The following PRIMPOL variants were observed in gnomAD, a reference collection of about 807,000 sequenced individuals.
The protein encoded by PRIMPOL is DNA-directed primase/polymerase protein.
In PRIMPOL, 54 loss-of-function variants were observed where a neutral mutation model predicts 63.6. The observed-to-expected ratio is 0.85, with a 90% confidence interval of 0.68 to 1.07. The LOEUF (loss-of-function observed/expected upper bound fraction) is 1.07. PRIMPOL is among the 50% of genes least tolerant of loss of function. PRIMPOL has a pLI of 0.00. For missense variants in PRIMPOL, 610 were observed against 648.3 expected, an observed-to-expected ratio of 0.94 and a Z score of 0.64; for synonymous variants, 197 against 220.2, an observed-to-expected ratio of 0.89 and a Z score of 0.93.
Position 184,691,524 on chromosome 4 carries a change from GT to G in PRIMPOL, c.1324del (p.Trp442GlyfsTer82), listed in dbSNP as rs1758528856. 1.9e-6 allele frequency: 3 copies of G among 1,595,304 alleles called. No homozygotes were observed. The highest frequency in any genetic ancestry group is 2.3e-4 in the Middle Eastern group (1 of 4,436). Reference protein sequence around the residue: ...IMILVDLKNEVWYQKCHDPVC... With the variant: ...IMILVDLKNEXWYQKCHDPVC... ...GATTCTGGTTGATCTGAAAAATGAA[GT>G]TTGGTATCAAAAATGTCATGACCCT... is the stretch of plus-strand genomic sequence containing the variant. On this transcript the variant is annotated frameshift_variant, in exon 12 of 14. Coordinates refer to ENST00000314970, the MANE Select transcript of PRIMPOL (RefSeq NM_152683.4). LOFTEE classifies it high-confidence loss of function.
At chr4:184,660,857 C>T (rs909982046) in intron 4 of PRIMPOL, among the ~76,000 whole-genome samples, 2 of 152,136 alleles carry the variant, frequency 1.3e-5, no homozygotes, top group Admixed American at 6.5e-5. Context: ...GTATAGGATG[C>T]CATCTGAATA....
Position 184,658,084 on chromosome 4 carries a change from T to TGG in PRIMPOL, c.180+767_180+768dup, listed in dbSNP as rs60383196. ...TGTATTGCACATTCTTTTTTTTTTTTGGGGCACTGTGGGGAATGTAAAGAA... is the reference window on the plus strand; with the variant it reads ...TGTATTGCACATTCTTTTTTTTTTTTGGGGGGCACTGTGGGGAATGTAAAGAA... On this transcript the variant is annotated intron_variant, in intron 3 of 13. Coordinates refer to ENST00000314970, the MANE Select transcript of PRIMPOL (RefSeq NM_152683.4). Among the ~76,000 whole-genome samples the TGG allele has an allele frequency of 7.2e-5, 8 of 110,510 alleles. No individual in the cohort carries two copies. In the East Asian group the frequency reaches 1.5e-3, roughly 20 times the overall value. The allele number at this position is 110,510 out of a possible 152,430, so 72.5% of individuals were successfully genotyped here.
chr4:184,672,235 A>G lies in PRIMPOL; in HGVS notation c.619A>G (p.Ser207Gly). Residue 207 changes from serine to glycine, a missense_variant, in exon 7 of 14, where the codon AGC (serine) becomes GGC (glycine). Coordinates refer to ENST00000314970, the MANE Select transcript of PRIMPOL (RefSeq NM_152683.4). ...LDLLGSEDDDSAPETTGHGFP... is the reference protein window; with the variant it reads ...LDLLGSEDDDGAPETTGHGFP... ...CTTGCTTGGCAGTGAAGATGATGAT[A>G]GCGCTCCAGAGACAACAGGCCATGG... 5.0e-6 allele frequency: 8 copies of G among 1,614,066 alleles called. No homozygotes were observed. The highest frequency in any genetic ancestry group is 1.1e-5 in the South Asian group (1 of 91,068).
intron 8 of PRIMPOL, among the ~76,000 whole-genome samples, chr4:184,679,107 GATT>G (rs1754919877): frequency 6.6e-6 from 1 of 152,008 alleles, no homozygotes. Flanking sequence ...AATATTCTGA[GATT>G]ATTATTTAAA....
At chr4:184,651,310 G>T (rs2150008966) in intron 1 of PRIMPOL, among the ~76,000 whole-genome samples, 1 of 151,926 alleles carries the variant, frequency 6.6e-6, no homozygotes, top group Admixed American at 6.6e-5. Context: ...AAAAAAAAGG[G>T]GTTAAGTAGT....
intron 6 of PRIMPOL, among the ~76,000 whole-genome samples, chr4:184,671,611 G>A (rs767682268): frequency 5.9e-5 from 9 of 152,062 alleles, no homozygotes; most frequent in Non-Finnish European, 1.3e-4. Context: ...CTTCTCAAAT[G>A]AACTTTCCCT....
intron 11 of PRIMPOL, among the ~76,000 whole-genome samples, chr4:184,689,562 C>T (rs1164624007): frequency 1.8e-5 from 1 of 55,168 alleles, no homozygotes; most frequent in African/African-American, 4.0e-5. Flanking sequence ...AAGCAATTCT[C>T]CTGCCTCAGC....
intron 11 of PRIMPOL, 109 bp downstream of exon 11, chr4:184,685,793 G>T: frequency 1.8e-6 from 1 of 567,214 alleles, no homozygotes; most frequent in Non-Finnish European, 2.8e-6. Context: ...AATAAATTTA[G>T]TTGTATTAAA....
intron 8 of PRIMPOL, among the ~76,000 whole-genome samples, chr4:184,681,105 C>T (rs184679442): frequency 6.6e-6 from 1 of 152,218 alleles, no homozygotes; most frequent in African/African-American, 2.4e-5. Context: ...ATACAGTTAC[C>T]TTGTCTTTTG....
intron 11 of PRIMPOL, chr4:184,691,280 G>C: frequency 4.3e-6 from 2 of 465,802 alleles, no homozygotes; most frequent in East Asian, 6.7e-5. Flanking sequence ...ATCTTCCTGG[G>C]GGAACTTTCA....
At chr4:184,678,148 C>A in intron 7 of PRIMPOL, 84 bp from the exon 8 acceptor site, 1 of 730,428 alleles carries the variant, frequency 1.4e-6, no homozygotes, top group Non-Finnish European at 2.1e-6. Context: ...TTTATTAATG[C>A]TATATAAAAA....
intron 7 of PRIMPOL, among the ~76,000 whole-genome samples, chr4:184,673,229 A>G (rs1308801326): frequency 6.7e-6 from 1 of 149,540 alleles, no homozygotes; most frequent in Non-Finnish European, 1.5e-5. Context: ...TCCCGGGTTC[A>G]CGCCATTCTC....
chr4:184,678,820 G>T (rs1011041817), intron 8 of PRIMPOL, among the ~76,000 whole-genome samples: 1 of 149,554 alleles, frequency 6.7e-6, no homozygotes, highest in Non-Finnish European at 1.5e-5. Flanking sequence ...GAGCCACCGC[G>T]CCCAGCCAGT....
rs184236453 is a variant in PRIMPOL at position 184,669,341 on chromosome 4, C to G, written c.557-2832C>G. Among the ~76,000 whole-genome samples the G allele has an allele frequency of 2.1e-3, 325 of 152,334 alleles. 3 individuals are homozygous for G. The highest frequency in any genetic ancestry group is 7.5e-3 in the African/African-American group (312 of 41,574). ...AGCCAAAACAGACACTGAGCTGTCTCTGACTCCAGCCCCCGTGCTCGCTGC... is the reference window on the plus strand; with the variant it reads ...AGCCAAAACAGACACTGAGCTGTCTGTGACTCCAGCCCCCGTGCTCGCTGC... On this transcript the variant is annotated intron_variant, in intron 6 of 13. Coordinates refer to ENST00000314970, the MANE Select transcript of PRIMPOL (RefSeq NM_152683.4).
At chr4:184,658,695 T>G (rs1243643305) in intron 3 of PRIMPOL, among the ~76,000 whole-genome samples, 2 of 152,092 alleles carry the variant, frequency 1.3e-5, no homozygotes, top group East Asian at 3.9e-4. Context: ...CACTTTGAGG[T>G]CAGGAGTTCG....
At chr4:184,675,474 G>A (rs1247466011) in intron 7 of PRIMPOL, among the ~76,000 whole-genome samples, 3 of 151,594 alleles carry the variant, frequency 2.0e-5, no homozygotes, top group Non-Finnish European at 2.9e-5. Flanking sequence ...TAGGCTATAC[G>A]GTTCATCTGT....
intron 5 of PRIMPOL, among the ~76,000 whole-genome samples, chr4:184,665,590 G>A (rs887764299): frequency 4.1e-4 from 58 of 142,696 alleles, no homozygotes; most frequent in African/African-American, 1.4e-3. Context: ...TGCAATCTCC[G>A]CCTCCTGGGT....
At chr4:184,675,391 T>G (rs758687048) in intron 7 of PRIMPOL, among the ~76,000 whole-genome samples, 9 of 152,248 alleles carry the variant, frequency 5.9e-5, no homozygotes, top group Non-Finnish European at 1.3e-4. Flanking sequence ...CATCTACATA[T>G]ATTTTATGCA....
chr4:184,667,334 A>G (rs566373055), intron 6 of PRIMPOL, among the ~76,000 whole-genome samples: 88 of 151,778 alleles, frequency 5.8e-4, no homozygotes, highest in Non-Finnish European at 7.4e-4. Context: ...TTTTTGAGAC[A>G]GAGTCTCGCT....
Sources: allele counts gnomAD v4.1 joint callset (sites outside exome capture counted in the v4.1 genomes callset), GRCh38; gene constraint gnomAD v4.1.1; transcripts MANE v1.5; gene names NCBI Gene and HGNC (gene_info 2026-07-23, HGNC 2026-07-21).